Variants in PHACTR2 observed in about 807,000 individuals in gnomAD.
PHACTR2 encodes the protein phosphatase and actin regulator 2.
A neutral mutation model predicts 76.0 loss-of-function variants in PHACTR2; 30 were observed. The observed-to-expected ratio is 0.39, with a 90% CI of 0.30 to 0.54. The LOEUF (loss-of-function observed/expected upper bound fraction) is 0.54, where lower values mean the gene tolerates loss of function less well. Among genes scored for constraint, PHACTR2 ranks in the 20% least tolerant of loss-of-function variants. The probability of loss-of-function intolerance (pLI) is 0.61; values close to 1 mark genes in which losing one functional copy is unlikely to be tolerated. For missense variants in PHACTR2, 696 were observed against 781.1 expected (o/e 0.89, Z 1.30); for synonymous variants, 292 against 292.5 (o/e 1.00, Z 0.02).
rs1210871700 is a variant in PHACTR2 at position 143,689,941 on chromosome 6, A to G, written c.46+11732A>G. ...TTGAACTTCTGAACTCAGGTGATAC[A>G]CCCACCTCAGCTCCCAAAATGCTGG... On this transcript the variant is annotated intron_variant, in intron 1 of 12. Transcript: ENST00000440869. The surrounding 1 kb of genome is among the most constrained non-coding windows in gnomAD (Gnocchi z 4.4). 6.6e-6 allele frequency among the ~76,000 whole-genome samples: 1 copy of G among 152,082 alleles called. No homozygotes were observed. The highest frequency in any genetic ancestry group is 2.4e-5 in the African/African-American group (1 of 41,414).
At chr6:143,542,298 CG>C (rs1252328400) in intron 1 of PHACTR2, among the ~76,000 whole-genome samples, 2 of 152,130 alleles carry the variant, frequency 1.3e-5, no homozygotes, top group African/African-American at 4.8e-5. Context: ...GCCTGACCGC[CG>C]GTCAGGCTTC....
rs765018404 is a variant in PHACTR2, at chr6:143,760,620, G to A, written c.674G>A (p.Arg225Gln). The change falls in exon 5 of 13, where the codon CGA becomes CAA. Residue 225 changes from arginine (R) to glutamine (Q), a missense_variant. By Grantham distance (43) the Arg-to-Gln change is conservative. This residue lies in a region of PHACTR2 where 460 missense variants were observed against 450.9 expected (regional missense o/e 1.02). Coordinates refer to ENST00000440869, the MANE Select transcript of PHACTR2 (RefSeq NM_001100164.2). The surrounding 1 kb of genome is among the most constrained non-coding windows in gnomAD (Gnocchi z 6.4). Reference sequence around the variant, plus strand: ...GTCCCTCCACCCAAGCCAGCAAGCCGAAACACGACCCGAGAGGCTGGTGAG... The same window carrying A: ...GTCCCTCCACCCAAGCCAGCAAGCCAAAACACGACCCGAGAGGCTGGTGAG... ...APVPPPKPAS[R>Q]NTTREAAGSS... 7.4e-6 allele frequency: 12 copies of A among 1,613,874 alleles called. No individual in the cohort carries two copies. Among genetic ancestry groups the A allele is most frequent in the Middle Eastern group, 1.7e-4 (1 of 6,060 alleles).
At chr6:143,629,047 G>A (rs1776314635) in intron 1 of PHACTR2, among the ~76,000 whole-genome samples, 1 of 148,282 alleles carries the variant, frequency 6.7e-6, no homozygotes, top group Admixed American at 6.8e-5. Context: ...TAGAGTTCAA[G>A]TCACATGTTC....
At chr6:143,798,471 T>C (rs1775880381) in intron 11 of PHACTR2, among the ~76,000 whole-genome samples, 1 of 152,226 alleles carries the variant, frequency 6.6e-6, no homozygotes, top group Non-Finnish European at 1.5e-5. Context: ...ATCCTTGTCT[T>C]GTGCCGGTTT....
Position 143,782,226 on chromosome 6 carries a change from AAAAAATAAAATAAAAAT to A in PHACTR2, c.1646-983_1646-967del, listed in dbSNP as rs1384693678. ...GGGTGACAGAGCGAGAATCCGTTTCAAAAAATAAAATAAAAATAAAAATAAATAAACAAATAGAAGAA... is the reference window on the plus strand; with the variant it reads ...GGGTGACAGAGCGAGAATCCGTTTCAAAAAATAAATAAACAAATAGAAGAA... On this transcript the variant is annotated intron_variant, in intron 9 of 12. Coordinates refer to ENST00000440869, the MANE Select transcript of PHACTR2 (RefSeq NM_001100164.2). The surrounding 1 kb of genome is among the most constrained non-coding windows in gnomAD (Gnocchi z 4.6). Among the ~76,000 whole-genome samples, 18 of 152,224 alleles carry A rather than the reference AAAAAATAAAATAAAAAT, an allele frequency of 1.2e-4. No homozygotes were observed. Among genetic ancestry groups the A allele is most frequent in the Non-Finnish European group, 1.9e-4 (13 of 68,038 alleles).
intron 1 of PHACTR2, among the ~76,000 whole-genome samples, chr6:143,635,584 A>G (rs547516074): frequency 2.0e-5 from 3 of 152,350 alleles, no homozygotes; most frequent in African/African-American, 7.2e-5. Context: ...AATTAATATT[A>G]GCAGGCCTAT....
At position 143,743,408 on chromosome 6, in the gene PHACTR2, G is replaced by T. The variant is rs1210215413; in HGVS notation, c.215-5577G>T. 1.3e-5 allele frequency among the ~76,000 whole-genome samples: 2 copies of T among 152,196 alleles called. No individual in the cohort carries two copies. Among genetic ancestry groups the T allele is most frequent in the Admixed American group, 1.3e-4 (2 of 15,274 alleles). ...GTTCCACAGACTGTAGAATTCTTTA[G>T]TAGGGGAGTGGCTGGAGCAGATAAA... On this transcript the variant is annotated intron_variant, in intron 2 of 12. Transcript: ENST00000440869. This position sits in a 1 kb window ranked among gnomAD's most constrained non-coding sequence, Gnocchi z 5.0.
At position 143,823,642 on chromosome 6, in the gene PHACTR2, C is replaced by T; in HGVS notation, c.1923-32C>T. 1 of 1,600,288 alleles carries T rather than the reference C, an allele frequency of 6.2e-7. No homozygotes were observed. The highest frequency in any genetic ancestry group is 1.7e-4 in the Middle Eastern group (1 of 6,028). ...CTGCATGCAGAATGTGCTCCTAGGC[C>T]ACAGGCTTATAGTTTCTATTTCTTA... On this transcript the variant is annotated intron_variant, in intron 12 of 12. Transcript: ENST00000440869. The surrounding 1 kb of genome is among the most constrained non-coding windows in gnomAD (Gnocchi z 5.7).
At chr6:143,682,139 C>A (rs9484791) in intron 1 of PHACTR2, among the ~76,000 whole-genome samples, 1 of 152,136 alleles carries the variant, frequency 6.6e-6, no homozygotes, top group African/African-American at 2.4e-5. Flanking sequence ...TGATATTGAA[C>A]CTGTAGATCA....
At chr6:143,637,688 G>A (rs976679866) in intron 1 of PHACTR2, among the ~76,000 whole-genome samples, 3 of 152,242 alleles carry the variant, frequency 2.0e-5, no homozygotes, top group Non-Finnish European at 4.4e-5. Flanking sequence ...TCCCATGTTA[G>A]CAGAGTCAGT....
chr6:143,686,871 T>C (rs868039371), intron 1 of PHACTR2, among the ~76,000 whole-genome samples: 1 of 152,176 alleles, frequency 6.6e-6, no homozygotes, highest in African/African-American at 2.4e-5. Context: ...CCATATCCAC[T>C]GTCCACCTGG....
intron 1 of PHACTR2, among the ~76,000 whole-genome samples, chr6:143,694,290 G>T (rs1777720930): frequency 2.6e-5 from 4 of 152,112 alleles, no homozygotes; most frequent in Admixed American, 2.0e-4. Flanking sequence ...AATAAAGAAA[G>T]AAATGGAATA....
At chr6:143,813,792 TA>T (rs1232233550) in intron 12 of PHACTR2, among the ~76,000 whole-genome samples, 5 of 152,176 alleles carry the variant, frequency 3.3e-5, no homozygotes, top group African/African-American at 1.2e-4. Flanking sequence ...AGAAGTTTCT[TA>T]ATGTTGAGAA....
chr6:143,772,487 G>A lies in PHACTR2; in HGVS notation c.1432+30G>A. On this transcript the variant is annotated intron_variant, in intron 7 of 12. Coordinates refer to ENST00000440869, the MANE Select transcript of PHACTR2 (RefSeq NM_001100164.2). This position sits in a 1 kb window ranked among gnomAD's most constrained non-coding sequence, Gnocchi z 5.4. ...GACTGTTTTCAAGAGGCAGGGAGGA[G>A]CGTGGGTGATAAGCAGAAGCAGCTG... 6.5e-7 allele frequency: 1 copy of A among 1,535,904 alleles called. No homozygotes were observed. The highest frequency in any genetic ancestry group is 9.0e-7 in the Non-Finnish European group (1 of 1,113,526).
intron 11 of PHACTR2, among the ~76,000 whole-genome samples, chr6:143,792,767 T>C (rs1775723101): frequency 1.3e-5 from 2 of 152,174 alleles, no homozygotes; most frequent in Admixed American, 6.5e-5. Flanking sequence ...ATACATGGCC[T>C]CTTCAGCATG....
At position 143,554,125 on chromosome 6, in the gene PHACTR2, T is replaced by G. The variant is rs1775133255; in HGVS notation, c.217+16918T>G. On this transcript the variant is annotated intron_variant, in intron 1 of 11. Coordinates refer to the PHACTR2 transcript ENST00000367584. This position sits in a 1 kb window ranked among gnomAD's most constrained non-coding sequence, Gnocchi z 5.9. ...TAGAAAGCAAAGTTTGGGAGATAAC[T>G]ATTTCATTCATATCAATATCAACTT... 6.6e-6 allele frequency among the ~76,000 whole-genome samples: 1 copy of G among 152,190 alleles called. No individual in the cohort carries two copies. Among genetic ancestry groups the G allele is most frequent in the Admixed American group, 6.5e-5 (1 of 15,284 alleles).
intron 10 of PHACTR2, among the ~76,000 whole-genome samples, chr6:143,786,336 A>G (rs540236221): frequency 6.6e-6 from 1 of 152,278 alleles, no homozygotes; most frequent in South Asian, 2.1e-4. Flanking sequence ...CCTTATCTCC[A>G]TCTGAGACCA....
chr6:143,785,351 C>T (rs972157629), intron 10 of PHACTR2, among the ~76,000 whole-genome samples: 1 of 152,212 alleles, frequency 6.6e-6, no homozygotes, highest in Non-Finnish European at 1.5e-5. Flanking sequence ...GGTCTCACAT[C>T]CAGGTCACAC....
intron 9 of PHACTR2, among the ~76,000 whole-genome samples, chr6:143,779,779 T>C (rs761004699): frequency 8.6e-5 from 13 of 152,038 alleles, no homozygotes; most frequent in Non-Finnish European, 1.8e-4. Flanking sequence ...TTTTCATTGG[T>C]GACCACAGGA....
Sources: allele counts gnomAD v4.1 joint callset (sites outside exome capture counted in the v4.1 genomes callset), GRCh38; gene constraint gnomAD v4.1.1; regional missense constraint gnomAD v4.1.1; non-coding constraint Gnocchi (gnomAD v3.1); transcripts MANE v1.5; gene names NCBI Gene and HGNC (gene_info 2026-07-23, HGNC 2026-07-21).